Variants in SEC22C observed in about 807,000 individuals in gnomAD.
The protein encoded by SEC22C is SEC22 homolog C, vesicle trafficking protein, also known as vesicle-trafficking protein SEC22c.
A neutral mutation model predicts 34.7 loss-of-function variants in SEC22C; 29 were observed. The ratio of observed to expected loss-of-function variants is 0.84; its 90% CI spans 0.62 to 1.14. SEC22C has a LOEUF of 1.14. Ranked by LOEUF, SEC22C falls within the 50% of genes most tolerant of loss-of-function variation. The pLI is 0.00. For missense variants in SEC22C, 337 were observed against 369.0 expected, an observed-to-expected ratio of 0.91 and a Z score of 0.71; for synonymous variants, 117 against 132.8, an observed-to-expected ratio of 0.88 and a Z score of 0.82.
At chr3:42,586,998 C>T (rs1577367909), upstream of SEC22C, among the ~76,000 whole-genome samples, 1 of 152,168 alleles carries the variant, frequency 6.6e-6, no homozygotes, top group African/African-American at 2.4e-5. Flanking sequence ...TTTCCCTTTT[C>T]TTTCCCTCCC....
At chr3:42,596,334 T>C (rs1016104158) in intron 1 of SEC22C, among the ~76,000 whole-genome samples, 9 of 152,206 alleles carry the variant, frequency 5.9e-5, no homozygotes, top group Admixed American at 3.3e-4. Context: ...TCATTTCTGT[T>C]TTCTAGAAAA....
At chr3:42,564,595 G>A (rs753685302) in intron 2 of SEC22C, among the ~76,000 whole-genome samples, 1 of 152,122 alleles carries the variant, frequency 6.6e-6, no homozygotes. Context: ...TTTACGAGGC[G>A]CAAGAACAAC....
intron 1 of SEC22C, among the ~76,000 whole-genome samples, chr3:42,588,261 G>A (rs997928537): frequency 2.6e-5 from 4 of 151,542 alleles, no homozygotes; most frequent in African/African-American, 9.7e-5. Flanking sequence ...AAAATTAGCT[G>A]GGCATGGTGG....
rs557580230 is a variant in SEC22C, at chr3:42,598,487, C to G, written c.-28+2473G>C. 7.9e-5 allele frequency among the ~76,000 whole-genome samples: 12 copies of G among 152,098 alleles called. No homozygotes were observed. In the East Asian group the frequency reaches 1.4e-3, roughly 17 times the overall value. ...GGATTACAGGTGCCTGCCACCACGC[C>G]CTGCTAATTTTTTGTATTTTTAGTA... On this transcript the variant is annotated intron_variant, in intron 1 of 6. Coordinates refer to the SEC22C transcript ENST00000417572.
chr3:42,558,329 A>G (rs1431753142), intron 4 of SEC22C, among the ~76,000 whole-genome samples: 1 of 150,898 alleles, frequency 6.6e-6, no homozygotes, highest in Non-Finnish European at 1.5e-5. Flanking sequence ...AAAAAAAAAA[A>G]TACAAAAACT....
intron 5 of SEC22C, 28 bp downstream of exon 5, chr3:42,557,550 A>T: frequency 9.3e-7 from 1 of 1,077,948 alleles, no homozygotes; most frequent in South Asian, 1.5e-5. Context: ...TTCAATTTAA[A>T]CTGTTTTAAA....
chr3:42,599,858 A>G (rs1224596818), intron 1 of SEC22C, among the ~76,000 whole-genome samples: 1 of 152,234 alleles, frequency 6.6e-6, no homozygotes, highest in Non-Finnish European at 1.5e-5. Flanking sequence ...AGAACACAGA[A>G]TATCTTCAAG....
chr3:42,579,099 G>C (rs1433526565), intron 1 of SEC22C, among the ~76,000 whole-genome samples: 1 of 152,098 alleles, frequency 6.6e-6, no homozygotes, highest in East Asian at 1.9e-4. Flanking sequence ...CCAACATGGA[G>C]AAACCCCGTC....
chr3:42,585,625 C>T (rs1326158192), upstream of SEC22C, among the ~76,000 whole-genome samples: 1 of 152,204 alleles, frequency 6.6e-6, no homozygotes, highest in Non-Finnish European at 1.5e-5. Context: ...ACCTCCATCA[C>T]ATTCTTCCCA....
chr3:42,548,924 C>G lies in SEC22C; in HGVS notation c.*4324G>C. On this transcript the variant is annotated 3_prime_UTR_variant, in exon 7 of 7. Coordinates refer to ENST00000264454, the MANE Select transcript of SEC22C (RefSeq NM_032970.4). ...ACTCACCCAGTATTACCCTCCACTA[C>G]CACTTTTGACCCTCATAACAGCACC... The G allele has an allele frequency of 3.9e-6, 5 of 1,269,922 alleles. No homozygotes were observed. Among genetic ancestry groups the G allele is most frequent in the Non-Finnish European group, 5.0e-6 (5 of 1,001,542 alleles). The allele number at this position is 1,269,922 out of a possible 1,614,324, so 78.7% of individuals were successfully genotyped here. A position where few individuals can be genotyped will look rare whatever the true frequency, so the allele number is the denominator to read the frequency against.
chr3:42,552,974 A>T lies in SEC22C; in HGVS notation c.*274T>A. Reference sequence around the variant, plus strand: ...ATATTTCCTTTCTCTCTTCCAATAAAGCTCTTTCTGGATGAGCCCCCAGAT... The same window carrying T: ...ATATTTCCTTTCTCTCTTCCAATAATGCTCTTTCTGGATGAGCCCCCAGAT... On this transcript the variant is annotated 3_prime_UTR_variant, in exon 7 of 7. Transcript: ENST00000264454. The T allele has an allele frequency of 8.1e-7, 1 of 1,241,116 alleles. No homozygotes were observed. The allele number at this position is 1,241,116 out of a possible 1,614,324, so 76.9% of individuals were successfully genotyped here.
At chr3:42,596,725 G>A (rs1009413785) in intron 1 of SEC22C, among the ~76,000 whole-genome samples, 7 of 152,204 alleles carry the variant, frequency 4.6e-5, no homozygotes, top group Non-Finnish European at 1.0e-4. Flanking sequence ...ATCTTTGAGA[G>A]AGGCAGAACC....
At chr3:42,565,786 A>G in intron 2 of SEC22C, 1 of 432,790 alleles carries the variant, frequency 2.3e-6, no homozygotes, top group Non-Finnish European at 4.6e-6. Flanking sequence ...CTGTGAGAGA[A>G]CGAATTCTGT....
intron 1 of SEC22C, 78 bp from the exon 2 acceptor site, chr3:42,569,151 T>C: frequency 1.1e-6 from 1 of 895,906 alleles, no homozygotes; most frequent in Non-Finnish European, 1.7e-6. Context: ...AAATGCCCAC[T>C]CTAGGGTTTT....
intron 1 of SEC22C, among the ~76,000 whole-genome samples, chr3:42,569,997 A>C (rs541740642): frequency 6.6e-6 from 1 of 152,210 alleles, no homozygotes; most frequent in African/African-American, 2.4e-5. Context: ...TACAGCTCAG[A>C]TAAGTCTTTC....
chr3:42,549,644 G>A lies in SEC22C; in HGVS notation c.*3604C>T, dbSNP rs182292712. On this transcript the variant is annotated 3_prime_UTR_variant, in exon 7 of 7. Coordinates refer to ENST00000264454, the MANE Select transcript of SEC22C (RefSeq NM_032970.4). Reference sequence around the variant, plus strand: ...GCAATCTGCTCCCACTCTGAAGCTCGTCTACCCACCCCATTTGTTACAATT... The same window carrying A: ...GCAATCTGCTCCCACTCTGAAGCTCATCTACCCACCCCATTTGTTACAATT... 9.3e-3 allele frequency: 9,131 copies of A among 985,340 alleles called. 38 individuals carry two copies. The highest frequency in any genetic ancestry group is 0.01 in the Non-Finnish European group (8,646 of 829,962). 61.0% of individuals were successfully genotyped at this position (985,340 alleles called of 1,614,324 possible).
At position 42,549,686 on chromosome 3, in the gene SEC22C, T is replaced by C; in HGVS notation, c.*3562A>G. 25 of 985,442 alleles carry C rather than the reference T, an allele frequency of 2.5e-5. No homozygotes were observed. The highest frequency in any genetic ancestry group is 3.0e-5 in the Non-Finnish European group (25 of 829,974). The allele number at this position is 985,442 out of a possible 1,614,324, so 61.0% of individuals were successfully genotyped here. On this transcript the variant is annotated 3_prime_UTR_variant, in exon 7 of 7. Coordinates refer to ENST00000264454, the MANE Select transcript of SEC22C (RefSeq NM_032970.4). ...GTTACAATTAAAGATGGTTTTCTCATCCCTCCAGAGACTCCAGTTTCAGAC... is the reference window on the plus strand; with the variant it reads ...GTTACAATTAAAGATGGTTTTCTCACCCCTCCAGAGACTCCAGTTTCAGAC...
At chr3:42,579,121 T>C (rs1704149047) in intron 1 of SEC22C, among the ~76,000 whole-genome samples, 1 of 151,824 alleles carries the variant, frequency 6.6e-6, no homozygotes, top group Admixed American at 6.6e-5. Flanking sequence ...CTACTAAAAA[T>C]ACAAAATTAG....
chr3:42,551,962 G>A lies in SEC22C; in HGVS notation c.*1286C>T. ...CAAAGTGTTCCATGCAACTGTGGTTGAACTATTCAGATTCCAGACTTCTAC... is the reference window on the plus strand; with the variant it reads ...CAAAGTGTTCCATGCAACTGTGGTTAAACTATTCAGATTCCAGACTTCTAC... On this transcript the variant is annotated 3_prime_UTR_variant, in exon 7 of 7. Transcript: ENST00000264454. 1 of 985,250 alleles carries A rather than the reference G, an allele frequency of 1.0e-6. No homozygotes were observed. The highest frequency in any genetic ancestry group is 1.2e-6 in the Non-Finnish European group (1 of 829,798). The allele number at this position is 985,250 out of a possible 1,614,324, so 61.0% of individuals were successfully genotyped here.
Sources: gnomAD v4.1 joint callset for allele counts (sites outside exome capture counted in the v4.1 genomes callset) on GRCh38, gnomAD v4.1.1 for gene constraint, MANE v1.5 for transcripts, NCBI Gene and HGNC (gene_info 2026-07-23, HGNC 2026-07-21) for gene names.